The following CYTH1 variants were observed in gnomAD, a reference collection of about 807,000 sequenced individuals.
The protein encoded by CYTH1 is cytohesin-1.
Under a neutral mutation model 61.8 loss-of-function variants are expected in CYTH1, and 18 were observed. That is an observed-to-expected ratio of 0.29 (90% confidence interval 0.20 to 0.43). The LOEUF is 0.43. Among genes scored for constraint, CYTH1 ranks in the 20% least tolerant of loss-of-function variants. CYTH1 has a pLI of 1.00. For synonymous variants in CYTH1, 174 were observed against 184.3 expected, an observed-to-expected ratio of 0.94 and a Z score of 0.45; for missense variants, 336 against 510.5, an observed-to-expected ratio of 0.66 and a Z score of 3.29.
intron 1 of CYTH1, among the ~76,000 whole-genome samples, chr17:78,775,752 A>G (rs1057409844): frequency 6.6e-6 from 1 of 152,242 alleles, no homozygotes; most frequent in Non-Finnish European, 1.5e-5. Flanking sequence ...TCTGTTGACA[A>G]CTTCCCTAAT....
At chr17:78,736,166 C>T (rs183124786) in intron 1 of CYTH1, among the ~76,000 whole-genome samples, 2 of 152,344 alleles carry the variant, frequency 1.3e-5, no homozygotes, top group East Asian at 3.9e-4. Context: ...CTCACTGGTT[C>T]TTTCAATCCG....
chr17:78,681,507 G>T (rs982916731), intron 11 of CYTH1, among the ~76,000 whole-genome samples: 1 of 152,140 alleles, frequency 6.6e-6, no homozygotes, highest in East Asian at 1.9e-4. Flanking sequence ...TCGCCCCACC[G>T]CCAGACAGTA....
chr17:78,721,955 G>A (rs1490209247), intron 1 of CYTH1, among the ~76,000 whole-genome samples: 7 of 152,134 alleles, frequency 4.6e-5, no homozygotes, highest in Non-Finnish European at 8.8e-5. Context: ...GCTGAGGCAG[G>A]AGAATCGCTT....
At chr17:78,760,347 T>G in intron 1 of CYTH1, among the ~76,000 whole-genome samples, 1 of 110,772 alleles carries the variant, frequency 9.0e-6, no homozygotes, top group Non-Finnish European at 1.9e-5. Context: ...TCTATCCAAA[T>G]AGCAGGTTTA....
chr17:78,771,212 A>G (rs1276073412), intron 1 of CYTH1, among the ~76,000 whole-genome samples: 1 of 152,142 alleles, frequency 6.6e-6, no homozygotes, highest in Non-Finnish European at 1.5e-5. Flanking sequence ...AAGAGAGCTG[A>G]GATTATGCCA....
chr17:78,773,447 T>G (rs188817815), intron 1 of CYTH1, among the ~76,000 whole-genome samples: 1 of 152,076 alleles, frequency 6.6e-6, no homozygotes, highest in African/African-American at 2.4e-5. Flanking sequence ...CTTACCAACA[T>G]GGTGAAACCC....
rs548106962 is a variant in CYTH1 at position 78,777,715 on chromosome 17, G to A, written c.22+4487C>T. Among the ~76,000 whole-genome samples, 8 of 151,870 alleles carry A rather than the reference G, an allele frequency of 5.3e-5. No individual in the cohort carries two copies. In the East Asian group the frequency reaches 5.8e-4, roughly 11 times the overall value. On this transcript the variant is annotated intron_variant, in intron 1 of 13. Coordinates refer to ENST00000446868, the MANE Select transcript of CYTH1 (RefSeq NM_004762.6). ...CAGAAAGAATTCTAAAGCCGGGCGC[G>A]GTGGCTCACACCTGTAATCCCAGCA...
At chr17:78,767,807 T>C (rs1033482702) in intron 1 of CYTH1, among the ~76,000 whole-genome samples, 1 of 152,076 alleles carries the variant, frequency 6.6e-6, no homozygotes, top group Non-Finnish European at 1.5e-5. Context: ...TGGACAATGA[T>C]GGGATATCCA....
chr17:78,718,918 C>T lies in CYTH1; in HGVS notation c.23-9186G>A, dbSNP rs147174645. Among the ~76,000 whole-genome samples, 176 of 152,332 alleles carry T rather than the reference C, an allele frequency of 1.2e-3. 1 individual carries two copies. The highest frequency in any genetic ancestry group is 4.0e-3 in the African/African-American group (168 of 41,574). On this transcript the variant is annotated intron_variant, in intron 1 of 13. Transcript: ENST00000446868. ...TTCTTTCTAACAATGTCATCATTGA[C>T]GCATTCAGCCTGCATTTACTGCTTG...
rs545529502 is a variant in CYTH1, at chr17:78,738,480, T to C, written c.23-28748A>G. The stretch of plus-strand genomic sequence containing the variant: ...CTTTGGCCAAGTCTCACTGGGGAGC[T>C]GGGAACACACACATCTACAGCAAGA... On this transcript the variant is annotated intron_variant, in intron 1 of 13. Coordinates refer to ENST00000446868, the MANE Select transcript of CYTH1 (RefSeq NM_004762.6). Among the ~76,000 whole-genome samples the C allele has an allele frequency of 2.2e-4, 33 of 152,278 alleles. No homozygotes were observed. In the East Asian group the frequency reaches 6.0e-3, roughly 28 times the overall value.
chr17:78,707,131 TAC>T (rs1368743770), intron 3 of CYTH1, among the ~76,000 whole-genome samples: 1 of 152,172 alleles, frequency 6.6e-6, no homozygotes, highest in African/African-American at 2.4e-5. Context: ...AAATGGACAA[TAC>T]AGAGACTGGC....
At chr17:78,759,624 CTCT>C (rs1425095870) in intron 1 of CYTH1, among the ~76,000 whole-genome samples, 2 of 152,140 alleles carry the variant, frequency 1.3e-5, no homozygotes, top group South Asian at 4.1e-4. Flanking sequence ...TCTGTTGAGC[CTCT>C]TCTTAAAAAC....
chr17:78,782,206 G>T lies in CYTH1; in HGVS notation c.18C>A (p.Ser6Arg), dbSNP rs1815580948. MEEDD[S>R]YVPSDLTAEE... is the part of the protein sequence containing the mutation. Reference sequence around the variant, plus strand: ...CCGCCGCCGGGGCGCACTGACCGTAGCTGTCGTCCTCCTCCATGGTGCGGG... The same window carrying T: ...CCGCCGCCGGGGCGCACTGACCGTATCTGTCGTCCTCCTCCATGGTGCGGG... Residue 6 changes from serine (S) to arginine (R), a missense_variant, in exon 1 of 14, where the codon AGC becomes AGA. By Grantham distance (110) the Ser-to-Arg change is moderately radical. This residue lies in a region of CYTH1 where 112 missense variants were observed against 127.1 expected (regional missense o/e 0.88). Coordinates refer to ENST00000446868, the MANE Select transcript of CYTH1 (RefSeq NM_004762.6). The T allele has an allele frequency of 1.5e-6, 2 of 1,370,822 alleles. No homozygotes were observed. Among genetic ancestry groups the T allele is most frequent in the African/African-American group, 1.5e-5 (1 of 65,890 alleles). The allele number at this position is 1,370,822 out of a possible 1,614,324, so 84.9% of individuals were successfully genotyped here.
chr17:78,696,464 T>G (rs538414262), intron 9 of CYTH1, among the ~76,000 whole-genome samples: 7 of 152,374 alleles, frequency 4.6e-5, no homozygotes, highest in African/African-American at 1.7e-4. Flanking sequence ...TACTGATGTG[T>G]ATACACAAGA....
chr17:78,730,153 T>C (rs1195653082), intron 1 of CYTH1, among the ~76,000 whole-genome samples: 3 of 152,036 alleles, frequency 2.0e-5, no homozygotes. Context: ...TCGTCTGAAT[T>C]CTGTGACTCA....
chr17:78,755,910 C>CA (rs201343842), intron 1 of CYTH1, among the ~76,000 whole-genome samples: 2,931 of 111,838 alleles, frequency 0.026, 60 homozygotes, highest in East Asian at 0.13. Flanking sequence ...GACACTGCCT[C>CA]AAAAAAAAAA....
intron 1 of CYTH1, among the ~76,000 whole-genome samples, chr17:78,765,857 T>C (rs999568930): frequency 6.6e-6 from 1 of 151,944 alleles, no homozygotes; most frequent in Non-Finnish European, 1.5e-5. Context: ...GTGGCACAAA[T>C]CCAAGTCCTA....
At chr17:78,771,506 G>A (rs567250788) in intron 1 of CYTH1, among the ~76,000 whole-genome samples, 171 of 152,180 alleles carry the variant, frequency 1.1e-3, no homozygotes, top group Non-Finnish European at 2.1e-3. Context: ...GCCGAGGCAG[G>A]CAGATCACAA....
chr17:78,777,391 C>G (rs1399729509), intron 1 of CYTH1, among the ~76,000 whole-genome samples: 5 of 152,052 alleles, frequency 3.3e-5, no homozygotes, highest in Non-Finnish European at 7.4e-5. Context: ...GCACTCTAGC[C>G]TGGGCAACAG....
Sources: allele counts gnomAD v4.1 joint callset (sites outside exome capture counted in the v4.1 genomes callset), GRCh38; gene constraint gnomAD v4.1.1; regional missense constraint gnomAD v4.1.1; transcripts MANE v1.5; gene names NCBI Gene and HGNC (gene_info 2026-07-23, HGNC 2026-07-21).